The following CLEC2A variants were observed in gnomAD, a reference collection of about 807,000 sequenced individuals.
CLEC2A encodes keratinocyte-associated C-type lectin.
In CLEC2A, 19 loss-of-function variants were observed where a neutral mutation model predicts 18.6. That is an observed-to-expected ratio of 1.02 (90% CI 0.71 to 1.50). CLEC2A has a LOEUF of 1.50. Among genes scored for constraint, CLEC2A ranks in the 40% most tolerant of loss-of-function variants. The pLI, the probability that CLEC2A is intolerant of heterozygous loss-of-function variation, is 0.00. For synonymous variants in CLEC2A, 74 were observed against 64.0 expected, an observed-to-expected ratio of 1.16 and a Z score of -0.75; for missense variants, 190 against 207.9, an observed-to-expected ratio of 0.91 and a Z score of 0.53.
chr12:9,920,379 T>C (rs931002277), intron 3 of CLEC2A, among the ~76,000 whole-genome samples: 1 of 152,168 alleles, frequency 6.6e-6, no homozygotes, highest in African/African-American at 2.4e-5. Context: ...TGTGTCAGAC[T>C]GAAGGCCCCG....
chr12:9,900,344 A>G (rs1270183248), intron 4 of CLEC2A, among the ~76,000 whole-genome samples: 3 of 152,198 alleles, frequency 2.0e-5, no homozygotes, highest in Non-Finnish European at 1.5e-5. Flanking sequence ...ACTTCAAAAC[A>G]ACGAGTGATC....
At chr12:9,920,053 C>G (rs1863141271) in intron 3 of CLEC2A, among the ~76,000 whole-genome samples, 1 of 152,242 alleles carries the variant, frequency 6.6e-6, no homozygotes, top group Non-Finnish European at 1.5e-5. Context: ...GTCACCCAAA[C>G]AGCAAAGATG....
the CLEC2A span, among the ~76,000 whole-genome samples, chr12:9,884,461 C>T: frequency 6.6e-6 from 1 of 151,236 alleles, no homozygotes; most frequent in Non-Finnish European, 1.5e-5. Context: ...ATTTCTTTCC[C>T]TCTTTTATTT....
intron 4 of CLEC2A, among the ~76,000 whole-genome samples, chr12:9,914,489 C>A (rs1396192136): frequency 1.3e-5 from 2 of 152,208 alleles, no homozygotes; most frequent in African/African-American, 4.8e-5. Context: ...GTAACCAAAA[C>A]AGCATGGTAC....
At chr12:9,892,321 A>G in the CLEC2A span, among the ~76,000 whole-genome samples, 3 of 152,240 alleles carry the variant, frequency 2.0e-5, no homozygotes, top group Admixed American at 2.0e-4. Context: ...AATAGTAAGT[A>G]ATCTCACAGA....
the CLEC2A span, among the ~76,000 whole-genome samples, chr12:9,880,358 T>C: frequency 6.6e-6 from 1 of 152,172 alleles, no homozygotes; most frequent in African/African-American, 2.4e-5. Context: ...TTCATTCCCA[T>C]GTAAATACTC....
At chr12:9,890,778 G>A in the CLEC2A span, among the ~76,000 whole-genome samples, 6 of 152,016 alleles carry the variant, frequency 3.9e-5, no homozygotes, top group Admixed American at 2.6e-4. Context: ...GTGATATTTC[G>A]TCATATTCAC....
At position 9,932,256 on chromosome 12, in the gene CLEC2A, T is replaced by A; in HGVS notation, c.55+19A>T. 1 of 1,510,582 alleles carries A rather than the reference T, an allele frequency of 6.6e-7. No individual in the cohort carries two copies. Among genetic ancestry groups the A allele is most frequent in the Non-Finnish European group, 9.0e-7 (1 of 1,109,266 alleles). 93.6% of individuals were successfully genotyped at this position (1,510,582 alleles called of 1,614,324 possible). A position where few individuals can be genotyped will look rare whatever the true frequency, so the allele number is the denominator to read the frequency against. On this transcript the variant is annotated intron_variant, in intron 1 of 4. Coordinates refer to ENST00000455827, the MANE Select transcript of CLEC2A (RefSeq NM_001130711.2). ...TTATCTTTCCTTTACTTCCTTCTCA[T>A]TCACTCTATAAAACTTACCTATCCG...
At chr12:9,907,569 T>C (rs750251635) in intron 4 of CLEC2A, among the ~76,000 whole-genome samples, 1 of 152,184 alleles carries the variant, frequency 6.6e-6, no homozygotes, top group Non-Finnish European at 1.5e-5. Flanking sequence ...GTTTTCCTTT[T>C]GAAACTCATA....
rs1441284982 is a variant in CLEC2A, at chr12:9,917,089, T to C, written c.307-286A>G. On this transcript the variant is annotated intron_variant, in intron 3 of 4. Coordinates refer to ENST00000455827, the MANE Select transcript of CLEC2A (RefSeq NM_001130711.2). ...CACTGATATTGTATGTTTTTTCATA[T>C]AATCAGAGATAAAACTAACTTCTAT... Among the ~76,000 whole-genome samples, 3 of 152,218 alleles carry C rather than the reference T, an allele frequency of 2.0e-5. No individual in the cohort carries two copies. The East Asian group carries it at 5.8e-4, about 29-fold the overall frequency.
downstream of CLEC2A, among the ~76,000 whole-genome samples, chr12:9,909,424 C>A (rs560911525): frequency 6.6e-6 from 1 of 152,206 alleles, no homozygotes; most frequent in African/African-American, 2.4e-5. Flanking sequence ...GCCCCTTTCT[C>A]TCCCTGAAAA....
intron 4 of CLEC2A, among the ~76,000 whole-genome samples, chr12:9,904,917 G>T (rs1481128269): frequency 6.6e-6 from 1 of 152,118 alleles, no homozygotes; most frequent in Non-Finnish European, 1.5e-5. Context: ...TCACCACAGG[G>T]ACTTTTTAAG....
downstream of CLEC2A, among the ~76,000 whole-genome samples, chr12:9,894,882 A>C (rs1421915994): frequency 6.6e-6 from 1 of 152,002 alleles, no homozygotes; most frequent in African/African-American, 2.4e-5. Flanking sequence ...ACTTTTTTGG[A>C]AACCAGCATT....
chr12:9,890,319 C>T, the CLEC2A span, among the ~76,000 whole-genome samples: 3 of 152,128 alleles, frequency 2.0e-5, no homozygotes, highest in South Asian at 2.1e-4. Flanking sequence ...AGTCAGGGCA[C>T]GTTTAATTAA....
chr12:9,927,540 A>C (rs1863295854), intron 1 of CLEC2A, among the ~76,000 whole-genome samples: 1 of 152,198 alleles, frequency 6.6e-6, no homozygotes, highest in Non-Finnish European at 1.5e-5. Flanking sequence ...ATATACATAC[A>C]TATATTTAAA....
rs560422219 is a variant in CLEC2A at position 9,925,878 on chromosome 12, CCCCTCCCTAA to C, written c.139+372_139+381del. ...CCTGTTGACCAACTCTTCTTCCCTA[CCCCTCCCTAA>C]TTCGGGAATAGTCATTGTCTCCGGG... On this transcript the variant is annotated intron_variant, in intron 2 of 4. Coordinates refer to ENST00000455827, the MANE Select transcript of CLEC2A (RefSeq NM_001130711.2). Among the ~76,000 whole-genome samples the C allele has an allele frequency of 3.9e-3, 597 of 152,290 alleles. 7 individuals carry two copies. Among genetic ancestry groups the C allele is most frequent in the African/African-American group, 0.013 (559 of 41,560 alleles).
At chr12:9,931,844 T>A (rs140715523) in intron 1 of CLEC2A, among the ~76,000 whole-genome samples, 1 of 152,340 alleles carries the variant, frequency 6.6e-6, no homozygotes, top group East Asian at 1.9e-4. Flanking sequence ...TATGTTTCAA[T>A]CCACTGAAAA....
the CLEC2A span, chr12:9,881,804 AT>A: frequency 1.5e-6 from 1 of 684,116 alleles, no homozygotes; most frequent in Non-Finnish European, 2.4e-6. Context: ...CTGTTAGATT[AT>A]TTAGATTCAT....
chr12:9,922,505 A>G (rs1267134171), intron 2 of CLEC2A, among the ~76,000 whole-genome samples: 2 of 152,208 alleles, frequency 1.3e-5, no homozygotes, highest in Non-Finnish European at 2.9e-5. Flanking sequence ...CCTGCCAAAA[A>G]CAATGCATAA....
Sources: allele counts gnomAD v4.1 joint callset (sites outside exome capture counted in the v4.1 genomes callset), GRCh38; gene constraint gnomAD v4.1.1; transcripts MANE v1.5; gene names NCBI Gene and HGNC (gene_info 2026-07-23, HGNC 2026-07-21).